The following FN1 variants were observed in gnomAD, a reference collection of about 807,000 sequenced individuals.
The protein encoded by FN1 is fibronectin 1.
In FN1, 106 loss-of-function variants were observed where a neutral mutation model predicts 297.3. The ratio of observed to expected loss-of-function variants is 0.36; its 90% CI spans 0.30 to 0.42. FN1 has a LOEUF of 0.42. Among genes scored for constraint, FN1 ranks in the 10% least tolerant of loss-of-function variants. The probability of loss-of-function intolerance (pLI) is 1.00; values close to 1 mark genes in which losing one functional copy is unlikely to be tolerated. For missense variants in FN1, 2,690 were observed against 3,124.9 expected, an observed-to-expected ratio of 0.86 and a Z score of 3.32; for synonymous variants, 1,149 against 1,152.6, an observed-to-expected ratio of 1.00 and a Z score of 0.06.
At chr2:215,401,914 T>C (rs1433802479) in intron 20 of FN1, among the ~76,000 whole-genome samples, 1 of 151,312 alleles carries the variant, frequency 6.6e-6, no homozygotes, top group African/African-American at 2.4e-5. Flanking sequence ...TTCATCTATG[T>C]ATGTTATTAT....
Position 215,423,410 on chromosome 2 carries a change from A to G in FN1, c.1333T>C (p.Trp445Arg). ...TCATAGTTCTGTGTGGTCCCACACC[A>G]CTTCATGTTGTCTCTTCTGCCCTCA... ...TSEGRRDNMK[W>R]CGTTQNYDAD... is the part of the protein sequence containing the mutation. Residue 445 changes from tryptophan to arginine, a missense_variant, in exon 9 of 46, where the codon TGG becomes CGG. By Grantham distance (101) the Trp-to-Arg change is moderately radical. This residue lies in a region of FN1 where 876 missense variants were observed against 1,058.1 expected (regional missense o/e 0.83). Transcript: ENST00000354785. 6.2e-7 allele frequency: 1 copy of G among 1,614,206 alleles called. No homozygotes were observed. The highest frequency in any genetic ancestry group is 8.5e-7 in the Non-Finnish European group (1 of 1,180,034).
Position 215,384,989 on chromosome 2 carries a change from G to A in FN1, c.4613-13C>T, listed in dbSNP as rs750708430. On this transcript the variant is annotated splice_polypyrimidine_tract_variant and intron_variant, in intron 28 of 45. Transcript: ENST00000354785. ...GGAACATCAGAAACTAGAAAAAAAA[G>A]GGAAACTTTTCACATCCGTAATTTT... 1.0e-5 allele frequency: 16 copies of A among 1,558,658 alleles called. No homozygotes were observed. The highest frequency in any genetic ancestry group is 1.3e-5 in the Non-Finnish European group (15 of 1,129,596).
chr2:215,373,278 G>A (rs751476330), intron 39 of FN1, 44 bp downstream of exon 39: 1 of 1,460,868 alleles, frequency 6.8e-7, no homozygotes, highest in Admixed American at 1.7e-5. Context: ...TTTGTTATTA[G>A]TTTTGTCCTA....
At chr2:215,390,703 C>T (rs1575473650) in intron 26 of FN1, among the ~76,000 whole-genome samples, 1 of 152,248 alleles carries the variant, frequency 6.6e-6, no homozygotes, top group African/African-American at 2.4e-5. Context: ...GAAGCAACAG[C>T]CCTGGGGTGG....
intron 12 of FN1, among the ~76,000 whole-genome samples, chr2:215,415,974 T>C (rs1345544758): frequency 6.6e-6 from 1 of 152,158 alleles, no homozygotes; most frequent in African/African-American, 2.4e-5. Flanking sequence ...TAACTGACAC[T>C]CTGTCAAACA....
intron 27 of FN1, among the ~76,000 whole-genome samples, chr2:215,387,831 A>C (rs1344561033): frequency 1.3e-5 from 2 of 152,226 alleles, no homozygotes; most frequent in South Asian, 2.1e-4. Context: ...TATTTTATTA[A>C]GTAAAAAGAA....
intron 20 of FN1, 99 bp downstream of exon 20, chr2:215,404,290 T>G (rs1218543056): frequency 7.9e-7 from 1 of 1,260,760 alleles, no homozygotes; most frequent in Non-Finnish European, 1.1e-6. Context: ...TATGTACTAA[T>G]TTTTTAATGT....
intron 3 of FN1, 152 bp downstream of exon 3, chr2:215,433,172 C>G (rs918482016): frequency 3.0e-5 from 25 of 843,576 alleles, no homozygotes; most frequent in Non-Finnish European, 4.0e-5. Context: ...AACACAGGAA[C>G]CAGTTGGGTG....
chr2:215,424,662 A>G (rs1294433257), intron 7 of FN1, among the ~76,000 whole-genome samples: 1 of 152,236 alleles, frequency 6.6e-6, no homozygotes, highest in African/African-American at 2.4e-5. Context: ...TATCTATGCC[A>G]TAAAATTAAT....
chr2:215,393,385 G>C, intron 24 of FN1, 182 bp from the exon 25 acceptor site: 1 of 525,576 alleles, frequency 1.9e-6, no homozygotes, highest in Admixed American at 3.3e-5. Context: ...ATCATGAACA[G>C]TTTGCTTCCC....
chr2:215,374,607 G>A (rs538078531), intron 38 of FN1, among the ~76,000 whole-genome samples: 130 of 152,280 alleles, frequency 8.5e-4, no homozygotes, highest in African/African-American at 2.6e-3. Flanking sequence ...CCAGCCATGC[G>A]GAACTGTGAG....
Position 215,415,074 on chromosome 2 carries a change from T to C in FN1, c.1820-116A>G, listed in dbSNP as rs139793366. ...CTTTGCTTGTCGTTAAATGTGAGTA[T>C]AATAAAATTATCTGGCATTAATCTT... On this transcript the variant is annotated intron_variant, in intron 12 of 45. Coordinates refer to ENST00000354785, the MANE Select transcript of FN1 (RefSeq NM_212482.4). The C allele has an allele frequency of 2.8e-3, 2,099 of 741,542 alleles. 21 individuals carry two copies. The highest frequency in any genetic ancestry group is 0.028 in the African/African-American group (1,597 of 57,596). The allele number at this position is 741,542 out of a possible 1,614,324, so 45.9% of individuals were successfully genotyped here.
chr2:215,404,323 G>GCTTTT, intron 20 of FN1, 66 bp downstream of exon 20: 2 of 1,404,784 alleles, frequency 1.4e-6, no homozygotes, highest in Non-Finnish European at 2.0e-6. Context: ...GTTTTGTTTT[G>GCTTTT]TTTTAAAGCA....
chr2:215,408,144 C>T lies in FN1; in HGVS notation c.2482G>A (p.Val828Ile), dbSNP rs774365523. ...GCCTGGGGTCTGCTCCAGCGAACAA[C>T]AATTGAGGTGTCATCAACTTGGTCC... The part of the protein sequence containing the change: ...TVDQVDDTSI[V>I]VRWSRPQAPI... Residue 828 changes from valine to isoleucine, a missense_variant, in exon 17 of 46, where the codon GTT becomes ATT. Around this residue, in one of 3 missense-constraint regions of FN1, gnomAD observed 876 missense variants for 1,058.1 expected, o/e 0.83. Transcript: ENST00000354785. 2.5e-5 allele frequency: 41 copies of T among 1,614,072 alleles called. No homozygotes were observed. Among genetic ancestry groups the T allele is most frequent in the Non-Finnish European group, 3.4e-5 (40 of 1,180,024 alleles).
At chr2:215,428,154 C>T (rs1264325696) in intron 6 of FN1, 26 bp downstream of exon 6, 1 of 1,613,116 alleles carries the variant, frequency 6.2e-7, no homozygotes, top group Non-Finnish European at 8.5e-7. Flanking sequence ...TCCCCATTTC[C>T]CGCCCCTGCT....
intron 26 of FN1, among the ~76,000 whole-genome samples, chr2:215,390,094 G>A (rs1229649931): frequency 1.3e-5 from 2 of 152,338 alleles, no homozygotes; most frequent in African/African-American, 2.4e-5. Context: ...CCAGAATGGA[G>A]GACCAGATGC....
chr2:215,373,701 A>G (rs2056712596), intron 38 of FN1, among the ~76,000 whole-genome samples: 1 of 113,716 alleles, frequency 8.8e-6, no homozygotes, highest in Non-Finnish European at 1.6e-5. Flanking sequence ...TTTTTTTGAG[A>G]TGGAGTCTGG....
chr2:215,401,237 A>AG lies in FN1; in HGVS notation c.3254-1887dup, dbSNP rs1491505585. Among the ~76,000 whole-genome samples, 135 of 52,988 alleles carry AG rather than the reference A, an allele frequency of 2.5e-3. 5 individuals are homozygous for AG. Among genetic ancestry groups the AG allele is most frequent in the African/African-American group, 5.3e-3 (71 of 13,310 alleles). 34.8% of individuals were successfully genotyped at this position (52,988 alleles called of 152,430 possible). ...AAGAAAGAAAGAAAGAAAGAAAGAA[A>AG]GAAAGAAAGAAAGGAAGAAAGAAAG... On this transcript the variant is annotated intron_variant, in intron 20 of 45. Transcript: ENST00000354785.
chr2:215,412,914 G>A (rs966149982), intron 13 of FN1, among the ~76,000 whole-genome samples: 1 of 151,628 alleles, frequency 6.6e-6, no homozygotes, highest in Non-Finnish European at 1.5e-5. Context: ...TCTTGAAGTT[G>A]CAACCAAGTT....
Sources: allele counts gnomAD v4.1 joint callset (sites outside exome capture counted in the v4.1 genomes callset), GRCh38; gene constraint gnomAD v4.1.1; regional missense constraint gnomAD v4.1.1; transcripts MANE v1.5; gene names NCBI Gene and HGNC (gene_info 2026-07-23, HGNC 2026-07-21).